NRXN1: variants seen among roughly 807,000 people sequenced by gnomAD.
The protein encoded by NRXN1 is neurexin-1.
Under a neutral mutation model 150.9 loss-of-function variants are expected in NRXN1, and 39 were observed. That is an observed-to-expected ratio of 0.26 (90% confidence interval 0.20 to 0.34). The LOEUF is 0.34. Among genes scored for constraint, NRXN1 ranks in the 10% least tolerant of loss-of-function variants. The pLI is 1.00. For missense variants in NRXN1, 1,815 were observed against 1,949.9 expected, an observed-to-expected ratio of 0.93 and a Z score of 1.30; for synonymous variants, 924 against 757.0, an observed-to-expected ratio of 1.22 and a Z score of -3.62.
At chr2:50,668,022 G>T (rs1688319264) in intron 5 of NRXN1, among the ~76,000 whole-genome samples, 1 of 151,946 alleles carries the variant, frequency 6.6e-6, no homozygotes, top group Admixed American at 6.6e-5. Context: ...TTTCTCTTGG[G>T]TTGTCTTTGT....
chr2:50,050,159 C>CTTTT (rs35146990), intron 21 of NRXN1, among the ~76,000 whole-genome samples: 83,342 of 141,328 alleles, frequency 0.59, 24,343 homozygotes, highest in Middle Eastern at 0.65. Context: ...AGCAAAACTT[C>CTTTT]TTTTTTTTTT....
chr2:50,007,737 G>A (rs967423420), intron 21 of NRXN1, among the ~76,000 whole-genome samples: 1 of 150,394 alleles, frequency 6.6e-6, no homozygotes, highest in Non-Finnish European at 1.5e-5. Context: ...TAATCCTTTG[G>A]GTAAATGCCC....
intron 18 of NRXN1, among the ~76,000 whole-genome samples, chr2:50,098,728 T>C (rs550826830): frequency 1.3e-5 from 2 of 152,124 alleles, no homozygotes; most frequent in Non-Finnish European, 2.9e-5. Context: ...ATAATGTCAG[T>C]TGTGTCAGTG....
At chr2:50,427,782 ACTT>A (rs1171455187) in intron 17 of NRXN1, among the ~76,000 whole-genome samples, 1 of 152,228 alleles carries the variant, frequency 6.6e-6, no homozygotes, top group African/African-American at 2.4e-5. Flanking sequence ...CCTAAAAGTA[ACTT>A]CTTCGAATAC....
intron 15 of NRXN1, among the ~76,000 whole-genome samples, chr2:50,488,248 A>G (rs1215897160): frequency 6.6e-6 from 1 of 152,226 alleles, no homozygotes; most frequent in African/African-American, 2.4e-5. Context: ...TCATATTTGT[A>G]TAATGTGACT....
At chr2:50,718,284 TATGGGAGC>T (rs1696130151) in intron 5 of NRXN1, among the ~76,000 whole-genome samples, 1 of 151,932 alleles carries the variant, frequency 6.6e-6, no homozygotes, top group Non-Finnish European at 1.5e-5. Context: ...AGTGCATGAG[TATGGGAGC>T]ACAAAAAAAA....
chr2:50,259,022 A>G (rs1021192276), intron 17 of NRXN1, among the ~76,000 whole-genome samples: 3 of 152,012 alleles, frequency 2.0e-5, no homozygotes, highest in African/African-American at 4.8e-5. Flanking sequence ...CACATTTAGC[A>G]TAATTATTAA....
Position 49,919,249 on chromosome 2 carries a change from A to C in NRXN1, c.*2695T>G, listed in dbSNP as rs1464080398. 2 of 152,126 alleles carry C rather than the reference A, an allele frequency of 1.3e-5. No homozygotes were observed. The highest frequency in any genetic ancestry group is 2.9e-5 in the Non-Finnish European group (2 of 67,970). 9.4% of individuals were successfully genotyped at this position (152,126 alleles called of 1,614,324 possible). A position where few individuals can be genotyped will look rare whatever the true frequency, so the allele number is the denominator to read the frequency against. The stretch of plus-strand genomic sequence containing the variant: ...TATGTTTGGTATGAAGATACTTGGG[A>C]TTCAAGTCATTTTCTCTTTCTAACT... On this transcript the variant is annotated 3_prime_UTR_variant, in exon 23 of 23. Coordinates refer to ENST00000401669, the MANE Select transcript of NRXN1 (RefSeq NM_001330078.2).
At chr2:50,074,946 C>G (rs1696845051) in intron 19 of NRXN1, among the ~76,000 whole-genome samples, 1 of 152,098 alleles carries the variant, frequency 6.6e-6, no homozygotes, top group Non-Finnish European at 1.5e-5. Context: ...CTGGCATATT[C>G]AATACATACA....
chr2:50,812,800 CAA>C (rs776852334), intron 5 of NRXN1, among the ~76,000 whole-genome samples: 3 of 106,636 alleles, frequency 2.8e-5, no homozygotes, highest in Non-Finnish European at 2.0e-5. Flanking sequence ...AAAGAGAAAG[CAA>C]AAAAAAAAAG....
intron 2 of NRXN1, among the ~76,000 whole-genome samples, chr2:50,943,453 A>C (rs1201530123): frequency 6.6e-6 from 1 of 152,196 alleles, no homozygotes; most frequent in African/African-American, 2.4e-5. Flanking sequence ...ACTGGCAACA[A>C]GACATACTTT....
chr2:50,803,467 C>T (rs1707888687), intron 5 of NRXN1, among the ~76,000 whole-genome samples: 1 of 152,174 alleles, frequency 6.6e-6, no homozygotes, highest in Admixed American at 6.5e-5. Flanking sequence ...CTTTCCATTT[C>T]TCAATCATTT....
chr2:50,023,640 G>C (rs899063152), intron 21 of NRXN1: 4 of 152,154 alleles, frequency 2.6e-5, no homozygotes, highest in African/African-American at 9.7e-5. Flanking sequence ...CTTTTAAAGA[G>C]CAATTCAATG....
intron 21 of NRXN1, among the ~76,000 whole-genome samples, chr2:50,036,223 T>A (rs1256365661): frequency 6.6e-6 from 1 of 152,076 alleles, no homozygotes; most frequent in African/African-American, 2.4e-5. Flanking sequence ...TGATATTGCG[T>A]GAGTTCTCAC....
intron 5 of NRXN1, among the ~76,000 whole-genome samples, chr2:50,674,567 G>A (rs182796428): frequency 7.2e-5 from 11 of 152,220 alleles, no homozygotes; most frequent in East Asian, 1.9e-4. Flanking sequence ...AGGCTACTGC[G>A]ATAGTTCAGG....
At position 50,884,323 on chromosome 2, in the gene NRXN1, T is replaced by C. The variant is rs918505820; in HGVS notation, c.832+37546A>G. ...ATTGTATTCTACTTATCTTGTCAAT[T>C]TAGTTTTTTAGCAATTCAAATTTTC... On this transcript the variant is annotated intron_variant, in intron 5 of 22. Coordinates refer to ENST00000401669, the MANE Select transcript of NRXN1 (RefSeq NM_001330078.2). Among the ~76,000 whole-genome samples the C allele has an allele frequency of 5.3e-5, 8 of 151,792 alleles. No individual in the cohort carries two copies. The South Asian group carries it at 1.4e-3, about 27-fold the overall frequency.
intron 5 of NRXN1, among the ~76,000 whole-genome samples, chr2:50,731,642 C>T (rs530427191): frequency 6.6e-6 from 1 of 152,074 alleles, no homozygotes; most frequent in East Asian, 1.9e-4. Context: ...AACTGCACAC[C>T]CTAGAACTCA....
intron 21 of NRXN1, among the ~76,000 whole-genome samples, chr2:50,015,800 G>C (rs766486623): frequency 6.6e-6 from 1 of 151,884 alleles, no homozygotes; most frequent in Non-Finnish European, 1.5e-5. Flanking sequence ...CCAAAAGCAT[G>C]TTTTTTTTCC....
chr2:51,030,570 ACAGTGTGGGTGTGCGCACATACACACT>A (rs1323648088), intron 1 of NRXN1, among the ~76,000 whole-genome samples: 72 of 131,264 alleles, frequency 5.5e-4, no homozygotes, highest in African/African-American at 1.9e-3. Flanking sequence ...ACACACACAC[ACAGTGTGGGTGTGCGCACATACACACT>A]GCCCACTAGC....
Sources: gnomAD v4.1 joint callset for allele counts (sites outside exome capture counted in the v4.1 genomes callset) on GRCh38, gnomAD v4.1.1 for gene constraint, MANE v1.5 for transcripts, NCBI Gene and HGNC (gene_info 2026-07-23, HGNC 2026-07-21) for gene names.